Variants in CDKAL1 observed in about 807,000 individuals in gnomAD.
The protein encoded by CDKAL1 is threonylcarbamoyladenosine tRNA methylthiotransferase.
CDKAL1 carries 32 observed loss-of-function variants against 68.2 expected under a neutral mutation model. That is an observed-to-expected ratio of 0.47 (90% CI 0.35 to 0.63). The LOEUF is 0.63. Among genes scored for constraint, CDKAL1 ranks in the 30% least tolerant of loss-of-function variants. The pLI, the probability that CDKAL1 is intolerant of heterozygous loss-of-function variation, is 0.00. For missense variants in CDKAL1, 606 were observed against 696.7 expected (o/e 0.87, Z 1.47); for synonymous variants, 234 against 244.3 (o/e 0.96, Z 0.39).
intron 10 of CDKAL1, among the ~76,000 whole-genome samples, chr6:20,984,478 G>A (rs561715592): frequency 1.1e-4 from 17 of 152,304 alleles, no homozygotes; most frequent in South Asian, 4.1e-4. Flanking sequence ...TTTGCCATTC[G>A]TGGACGGCTT....
chr6:21,035,741 T>G (rs1769541864), intron 11 of CDKAL1, among the ~76,000 whole-genome samples: 1 of 152,146 alleles, frequency 6.6e-6, no homozygotes. Flanking sequence ...TTGTCAGTGC[T>G]GATGGGTAAT....
intron 9 of CDKAL1, among the ~76,000 whole-genome samples, chr6:20,891,670 G>A (rs1353570773): frequency 6.6e-6 from 1 of 151,906 alleles, no homozygotes; most frequent in Non-Finnish European, 1.5e-5. Context: ...GAGTATCTGG[G>A]ACTACAGGCA....
intron 5 of CDKAL1, 48 bp downstream of exon 5, chr6:20,649,425 T>C (rs752765494): frequency 2.9e-6 from 3 of 1,020,230 alleles, no homozygotes; most frequent in South Asian, 1.4e-5. Context: ...AAAGTAAGAA[T>C]TGATACCAAA....
chr6:20,580,602 C>A (rs1765104008), intron 4 of CDKAL1, among the ~76,000 whole-genome samples: 1 of 152,086 alleles, frequency 6.6e-6, no homozygotes, highest in East Asian at 1.9e-4. Context: ...TTTGGTCTTT[C>A]AATATAAAGT....
At chr6:20,553,614 G>C (rs192412588) in intron 4 of CDKAL1, among the ~76,000 whole-genome samples, 178 of 152,300 alleles carry the variant, frequency 1.2e-3, no homozygotes, top group Non-Finnish European at 1.2e-3. Flanking sequence ...GAAAAAGGTG[G>C]CTCATAACTT....
chr6:20,729,353 TTTC>T (rs1411658027), intron 5 of CDKAL1, among the ~76,000 whole-genome samples: 2 of 151,826 alleles, frequency 1.3e-5, no homozygotes, highest in Non-Finnish European at 2.9e-5. Flanking sequence ...GCTTTGAGAG[TTTC>T]TTCTTTTTTT....
intron 13 of CDKAL1, among the ~76,000 whole-genome samples, chr6:21,177,088 G>T (rs1225534911): frequency 6.6e-6 from 1 of 152,160 alleles, no homozygotes; most frequent in East Asian, 1.9e-4. Flanking sequence ...CTATTCATTT[G>T]AATTATTTAC....
intron 4 of CDKAL1, among the ~76,000 whole-genome samples, chr6:20,619,974 C>CT (rs1036753640): frequency 6.6e-6 from 1 of 152,174 alleles, no homozygotes; most frequent in Non-Finnish European, 1.5e-5. Flanking sequence ...TCTTCTTTGA[C>CT]TTGAATAAAC....
At chr6:21,027,006 G>T (rs1371112718) in intron 11 of CDKAL1, among the ~76,000 whole-genome samples, 1 of 152,034 alleles carries the variant, frequency 6.6e-6, no homozygotes, top group Admixed American at 6.6e-5. Flanking sequence ...TACCTGCCCT[G>T]GACCTCATGG....
intron 6 of CDKAL1, among the ~76,000 whole-genome samples, chr6:20,751,736 C>A (rs1773931571): frequency 6.6e-6 from 1 of 152,142 alleles, no homozygotes; most frequent in African/African-American, 2.4e-5. Context: ...TACACCAACT[C>A]CTTTCTTCAT....
At chr6:20,874,800 G>T (rs1760413955) in intron 9 of CDKAL1, among the ~76,000 whole-genome samples, 1 of 151,926 alleles carries the variant, frequency 6.6e-6, no homozygotes, top group Admixed American at 6.6e-5. Context: ...ACCGTGCCAG[G>T]CCACAATATT....
intron 9 of CDKAL1, among the ~76,000 whole-genome samples, chr6:20,882,555 A>G (rs2150564289): frequency 6.6e-6 from 1 of 152,302 alleles, no homozygotes; most frequent in African/African-American, 2.4e-5. Flanking sequence ...TTCCCCTACA[A>G]GCTCTTTTAG....
At chr6:20,811,275 A>G (rs1304628545) in intron 8 of CDKAL1, among the ~76,000 whole-genome samples, 1 of 152,168 alleles carries the variant, frequency 6.6e-6, no homozygotes, top group Non-Finnish European at 1.5e-5. Flanking sequence ...ATCCGGGGCA[A>G]TTCTATACAG....
intron 4 of CDKAL1, among the ~76,000 whole-genome samples, chr6:20,555,941 A>G (rs140680971): frequency 1.3e-5 from 2 of 152,240 alleles, no homozygotes; most frequent in Non-Finnish European, 2.9e-5. Flanking sequence ...GTTTTAAAAT[A>G]TGTAACCCTT....
At chr6:20,667,554 G>A (rs753959438) in intron 5 of CDKAL1, among the ~76,000 whole-genome samples, 3 of 152,040 alleles carry the variant, frequency 2.0e-5, no homozygotes, top group South Asian at 4.1e-4. Flanking sequence ...GGGCAGCTCC[G>A]ACTTTATTAA....
At chr6:21,061,904 T>G (rs1771158023) in intron 11 of CDKAL1, among the ~76,000 whole-genome samples, 1 of 152,222 alleles carries the variant, frequency 6.6e-6, no homozygotes, top group African/African-American at 2.4e-5. Context: ...CTTTTCAATA[T>G]TGACTAGTAT....
chr6:20,662,996 C>G (rs1299310236), intron 5 of CDKAL1, among the ~76,000 whole-genome samples: 1 of 152,078 alleles, frequency 6.6e-6, no homozygotes, highest in Non-Finnish European at 1.5e-5. Context: ...GGATTGAAGT[C>G]GGTTGTTTTA....
At chr6:20,596,057 C>T (rs901596634) in intron 4 of CDKAL1, among the ~76,000 whole-genome samples, 1 of 152,104 alleles carries the variant, frequency 6.6e-6, no homozygotes, top group Non-Finnish European at 1.5e-5. Context: ...CTTCGTCTGC[C>T]AGATGCCAGC....
At chr6:21,117,524 C>G (rs7768536) in intron 13 of CDKAL1, among the ~76,000 whole-genome samples, 17,204 of 151,552 alleles carry the variant, frequency 0.11, 1,006 homozygotes, top group Middle Eastern at 0.14. Flanking sequence ...GCGCCTGTAG[C>G]TACTTGGGAG....
Sources: allele counts gnomAD v4.1 joint callset (sites outside exome capture counted in the v4.1 genomes callset), GRCh38; gene constraint gnomAD v4.1.1; transcripts MANE v1.5; gene names NCBI Gene and HGNC (gene_info 2026-07-23, HGNC 2026-07-21).